ME3: variants seen among roughly 807,000 people sequenced by gnomAD.
The protein encoded by ME3 is NADP-dependent malic enzyme, mitochondrial.
Under a neutral mutation model 68.9 loss-of-function variants are expected in ME3, and 48 were observed. That is an observed-to-expected ratio of 0.70 (90% CI 0.55 to 0.89). The LOEUF (loss-of-function observed/expected upper bound fraction) is 0.89, where lower values mean the gene tolerates loss of function less well. Ranked by LOEUF, ME3 falls within the 40% of genes least tolerant of loss-of-function variation. The pLI, the probability that ME3 is intolerant of heterozygous loss-of-function variation, is 0.00. For synonymous variants in ME3, 320 were observed against 318.8 expected, an observed-to-expected ratio of 1.00 and a Z score of -0.04; for missense variants, 675 against 797.4, an observed-to-expected ratio of 0.85 and a Z score of 1.85.
At position 86,444,533 on chromosome 11, in the gene ME3, T is replaced by A. The variant is rs553858415; in HGVS notation, c.1555-1614A>T. 5.3e-5 allele frequency among the ~76,000 whole-genome samples: 8 copies of A among 152,274 alleles called. 1 individual carries two copies. The highest frequency in any genetic ancestry group is 1.9e-4 in the African/African-American group (8 of 41,546). On this transcript the variant is annotated intron_variant, in intron 13 of 14. Coordinates refer to ENST00000543262, the Ensembl canonical transcript of ME3. ...GAAGCAAGATTTCCATGGCTAGATA[T>A]GCATCTAGAAAAGTTATCCTGAGAA...
intron 8 of ME3, among the ~76,000 whole-genome samples, chr11:86,460,056 A>G (rs1950154739): frequency 6.6e-6 from 1 of 152,184 alleles, no homozygotes; most frequent in Non-Finnish European, 1.5e-5. Flanking sequence ...CAGTGTGACC[A>G]TTCCCACTGC....
intron 8 of ME3, chr11:86,457,612 G>T (rs775963151): frequency 2.6e-5 from 32 of 1,243,840 alleles, no homozygotes; most frequent in Non-Finnish European, 3.2e-5. Context: ...GTGCTCTTGG[G>T]CTATGCACTA....
chr11:86,477,216 G>A (rs1015143161), intron 7 of ME3, among the ~76,000 whole-genome samples: 1 of 152,176 alleles, frequency 6.6e-6, no homozygotes, highest in African/African-American at 2.4e-5. Context: ...TTGTTAATAA[G>A]AGATTGGAAC....
intron 3 of ME3, among the ~76,000 whole-genome samples, chr11:86,557,515 G>C (rs1205248313): frequency 6.6e-6 from 1 of 152,176 alleles, no homozygotes; most frequent in Non-Finnish European, 1.5e-5. Context: ...TCTGTGGTCT[G>C]GTGAAATGAT....
At chr11:86,660,285 G>T (rs1050708416) in intron 2 of ME3, among the ~76,000 whole-genome samples, 3 of 152,206 alleles carry the variant, frequency 2.0e-5, no homozygotes, top group South Asian at 4.1e-4. Context: ...GATGCTTTCA[G>T]GGGGCATGTA....
chr11:86,481,148 C>T (rs1234999504), intron 7 of ME3, among the ~76,000 whole-genome samples: 1 of 151,598 alleles, frequency 6.6e-6, no homozygotes, highest in African/African-American at 2.4e-5. Flanking sequence ...CTTAAGTGAT[C>T]CTCTTGCTTC....
intron 2 of ME3, among the ~76,000 whole-genome samples, chr11:86,651,006 C>G (rs550293314): frequency 1.3e-5 from 2 of 152,358 alleles, no homozygotes; most frequent in East Asian, 3.9e-4. Flanking sequence ...GCTAGCACAG[C>G]AGTCTGCAAT....
chr11:86,463,863 C>T (rs1355311419), intron 8 of ME3, among the ~76,000 whole-genome samples: 2 of 152,112 alleles, frequency 1.3e-5, no homozygotes, highest in Admixed American at 6.5e-5. Context: ...AGTCTGAATG[C>T]CTGGGCTCAA....
At chr11:86,542,083 TAACA>T (rs1956080803) in intron 4 of ME3, among the ~76,000 whole-genome samples, 1 of 152,138 alleles carries the variant, frequency 6.6e-6, no homozygotes, top group South Asian at 2.1e-4. Context: ...GAAGGAAAAC[TAACA>T]AACAGAAAGG....
intron 8 of ME3, among the ~76,000 whole-genome samples, chr11:86,454,468 TA>T (rs1388468185): frequency 6.6e-6 from 1 of 152,232 alleles, no homozygotes; most frequent in Non-Finnish European, 1.5e-5. Flanking sequence ...TTATAGCTAT[TA>T]AAAATGATCA....
chr11:86,612,327 GT>G (rs2135203341), intron 2 of ME3, among the ~76,000 whole-genome samples: 1 of 152,272 alleles, frequency 6.6e-6, no homozygotes, highest in African/African-American at 2.4e-5. Context: ...GACCATTTGG[GT>G]TGGTTCTATG....
intron 7 of ME3, among the ~76,000 whole-genome samples, chr11:86,467,712 C>A (rs951125615): frequency 4.0e-5 from 6 of 150,740 alleles, no homozygotes; most frequent in African/African-American, 1.2e-4. Flanking sequence ...CACACACACA[C>A]CCCTTTAAGC....
chr11:86,634,818 G>T (rs1267375576), intron 2 of ME3, among the ~76,000 whole-genome samples: 1 of 152,128 alleles, frequency 6.6e-6, no homozygotes, highest in Non-Finnish European at 1.5e-5. Context: ...TGGCTTCTCT[G>T]TTAGGACAAA....
chr11:86,652,813 A>T (rs1020323112), intron 2 of ME3, among the ~76,000 whole-genome samples: 17 of 152,132 alleles, frequency 1.1e-4, no homozygotes, highest in Non-Finnish European at 2.2e-4. Context: ...TTGCATAAAG[A>T]GTCAAGACCC....
intron 2 of ME3, among the ~76,000 whole-genome samples, chr11:86,584,187 A>G (rs2139628611): frequency 6.6e-6 from 1 of 152,340 alleles, no homozygotes; most frequent in Non-Finnish European, 1.5e-5. Context: ...CAGAAAAGAC[A>G]CAAATATCCA....
intron 5 of ME3, among the ~76,000 whole-genome samples, chr11:86,503,463 A>C (rs1411910810): frequency 6.6e-6 from 1 of 152,206 alleles, no homozygotes; most frequent in Non-Finnish European, 1.5e-5. Context: ...TTCTGGATGC[A>C]TTTGAAGGGC....
chr11:86,583,396 A>C (rs920867271), intron 2 of ME3, among the ~76,000 whole-genome samples: 1 of 152,208 alleles, frequency 6.6e-6, no homozygotes, highest in African/African-American at 2.4e-5. Flanking sequence ...TTTGTCATTC[A>C]AACGAAAATG....
chr11:86,567,190 C>G (rs1227082542), intron 2 of ME3, among the ~76,000 whole-genome samples: 1 of 150,920 alleles, frequency 6.6e-6, no homozygotes, highest in Non-Finnish European at 1.5e-5. Flanking sequence ...GCACTCCAGC[C>G]TGGGCAACAA....
At chr11:86,546,601 C>T (rs572588455) in intron 4 of ME3, among the ~76,000 whole-genome samples, 19 of 152,222 alleles carry the variant, frequency 1.2e-4, no homozygotes, top group South Asian at 1.2e-3. Flanking sequence ...AAACGCAAAT[C>T]AAAAGCACAA....
Sources: gnomAD v4.1 joint callset for allele counts (sites outside exome capture counted in the v4.1 genomes callset) on GRCh38, gnomAD v4.1.1 for gene constraint, MANE v1.5 for transcripts, NCBI Gene and HGNC (gene_info 2026-07-23, HGNC 2026-07-21) for gene names.